The following MTAP variants were observed in gnomAD, a reference collection of about 807,000 sequenced individuals.
The protein encoded by MTAP is S-methyl-5'-thioadenosine phosphorylase.
MTAP carries 33 observed loss-of-function variants against 33.6 expected under a neutral mutation model. That is an observed-to-expected ratio of 0.98 (90% CI 0.74 to 1.31). MTAP has a LOEUF of 1.31. Among genes scored for constraint, MTAP ranks in the 40% most tolerant of loss-of-function variants. The pLI is 0.00. For missense variants in MTAP, 367 were observed against 360.0 expected (o/e 1.02, Z -0.16); for synonymous variants, 148 against 125.7 (o/e 1.18, Z -1.19).
Position 21,864,864 on chromosome 9 carries a change from T to C in MTAP, c.*2850T>C. 3.0e-6 allele frequency: 3 copies of C among 985,476 alleles called. No homozygotes were observed. Among genetic ancestry groups the C allele is most frequent in the Non-Finnish European group, 3.6e-6 (3 of 829,946 alleles). The allele number at this position is 985,476 out of a possible 1,614,324, so 61.0% of individuals were successfully genotyped here. A position where few individuals can be genotyped will look rare whatever the true frequency, so the allele number is the denominator to read the frequency against. On this transcript the variant is annotated 3_prime_UTR_variant, in exon 8 of 8. Transcript: ENST00000644715. ...TGGAGCCTCTTCTCTGGCTGCTACC[T>C]CAGGGCATGGTTGTGGCCCCACCAA...
At position 21,848,250 on chromosome 9, in the gene MTAP, C is replaced by A. The variant is rs117907656; in HGVS notation, c.451-6381C>A. 6.2e-4 allele frequency among the ~76,000 whole-genome samples: 94 copies of A among 152,178 alleles called. 1 individual carries two copies. In the East Asian group the frequency reaches 0.016, roughly 27 times the overall value. Reference sequence around the variant, plus strand: ...TAACTGGACTGAAGTTCCAGCAGGCCCCTAGAGGTGAGGTTGAGATTGTGA... The same window carrying A: ...TAACTGGACTGAAGTTCCAGCAGGCACCTAGAGGTGAGGTTGAGATTGTGA... On this transcript the variant is annotated intron_variant, in intron 5 of 7. Transcript: ENST00000644715.
intron 1 of MTAP, among the ~76,000 whole-genome samples, chr9:21,912,077 C>T (rs1395078298): frequency 6.6e-6 from 1 of 152,100 alleles, no homozygotes; most frequent in Non-Finnish European, 1.5e-5. Flanking sequence ...CAAGACTAAA[C>T]CAGGAAGAAG....
At chr9:21,886,556 G>C (rs1818114514) in intron 1 of MTAP, among the ~76,000 whole-genome samples, 1 of 152,076 alleles carries the variant, frequency 6.6e-6, no homozygotes, top group South Asian at 2.1e-4. Flanking sequence ...TTTTTCTGAT[G>C]TTATCTTCCA....
In MTAP at chr9:21,922,489, C is replaced by T. The variant is rs1818802772; in HGVS notation, c.148-8519C>T. The stretch of plus-strand genomic sequence containing the variant: ...ACTCTTACTTCTGCTCAAAAACTTG[C>T]CTTGGTCTCTCACTCTCGCTTATGC... On this transcript the variant is annotated intron_variant, in intron 1 of 1. Transcript: ENST00000577563. This position sits in a 1 kb window ranked among gnomAD's most constrained non-coding sequence, Gnocchi z 4.8. Among the ~76,000 whole-genome samples the T allele has an allele frequency of 6.6e-6, 1 of 152,108 alleles. No individual in the cohort carries two copies. Among genetic ancestry groups the T allele is most frequent in the African/African-American group, 2.4e-5 (1 of 41,424 alleles).
At chr9:21,913,766 A>T (rs561800593) in intron 1 of MTAP, among the ~76,000 whole-genome samples, 1 of 152,370 alleles carries the variant, frequency 6.6e-6, no homozygotes, top group African/African-American at 2.4e-5. Flanking sequence ...ACAAAAGCCA[A>T]AATTGACAAA....
At chr9:21,881,318 A>C (rs536157061) in intron 1 of MTAP, among the ~76,000 whole-genome samples, 8 of 152,188 alleles carry the variant, frequency 5.3e-5, no homozygotes, top group African/African-American at 1.2e-4. Flanking sequence ...GGAAGAAAAC[A>C]TACAGGGGAA....
At chr9:21,914,015 C>A (rs965887917) in intron 1 of MTAP, among the ~76,000 whole-genome samples, 1 of 152,122 alleles carries the variant, frequency 6.6e-6, no homozygotes, top group Non-Finnish European at 1.5e-5. Context: ...ATGCAGCCAA[C>A]AGACATATGA....
At chr9:21,841,431 T>G (rs1262511550) in intron 5 of MTAP, among the ~76,000 whole-genome samples, 1 of 152,222 alleles carries the variant, frequency 6.6e-6, no homozygotes, top group Non-Finnish European at 1.5e-5. Flanking sequence ...ATCCTGAATA[T>G]GTCCACATGA....
At chr9:21,828,638 G>A (rs1328027232) in intron 4 of MTAP, among the ~76,000 whole-genome samples, 1 of 151,990 alleles carries the variant, frequency 6.6e-6, no homozygotes, top group Non-Finnish European at 1.5e-5. Flanking sequence ...TTGCTCCATT[G>A]CACTCCAGCC....
chr9:21,838,046 T>C, intron 5 of MTAP, 36 bp downstream of exon 5: 9 of 1,572,396 alleles, frequency 5.7e-6, no homozygotes, highest in Non-Finnish European at 7.9e-6. Context: ...CCAGAATAAA[T>C]CATGTGGGCT....
intron 1 of MTAP, among the ~76,000 whole-genome samples, chr9:21,902,751 GGA>G (rs947878753): frequency 6.6e-6 from 1 of 152,048 alleles, no homozygotes; most frequent in Non-Finnish European, 1.5e-5. Flanking sequence ...GGTTATTCTT[GGA>G]TCTACCAGAA....
At chr9:21,830,416 A>C (rs1020561589) in intron 4 of MTAP, among the ~76,000 whole-genome samples, 3 of 152,216 alleles carry the variant, frequency 2.0e-5, no homozygotes, top group Admixed American at 2.0e-4. Context: ...GTGTTTGATT[A>C]ATCCATTTCT....
chr9:21,875,635 C>T (rs553733094), intron 1 of MTAP, among the ~76,000 whole-genome samples: 4 of 152,128 alleles, frequency 2.6e-5, no homozygotes, highest in Non-Finnish European at 4.4e-5. Flanking sequence ...TAAGTGAAAA[C>T]GTGTGGTATT....
downstream of MTAP, among the ~76,000 whole-genome samples, chr9:21,872,014 G>A (rs1393300890): frequency 2.0e-5 from 3 of 152,040 alleles, no homozygotes; most frequent in Non-Finnish European, 4.4e-5. Context: ...TAACCATTAT[G>A]CTAAAAGGTA....
At position 21,863,588 on chromosome 9, in the gene MTAP, A is replaced by T. The variant is rs1196047349; in HGVS notation, c.*1574A>T. 1.1e-6 allele frequency: 1 copy of T among 949,972 alleles called. No homozygotes were observed. Among genetic ancestry groups the T allele is most frequent in the Non-Finnish European group, 1.3e-6 (1 of 798,452 alleles). The allele number at this position is 949,972 out of a possible 1,614,324, so 58.8% of individuals were successfully genotyped here. ...CAGTGAGACGAGCTTGTGCCACTGC[A>T]CTCCAGCCTGGGCAACAGAGTAAGA... is the stretch of plus-strand genomic sequence containing the variant. On this transcript the variant is annotated 3_prime_UTR_variant, in exon 8 of 8. Transcript: ENST00000644715.
chr9:21,876,382 C>T (rs1826008770), intron 1 of MTAP, among the ~76,000 whole-genome samples: 1 of 151,860 alleles, frequency 6.6e-6, no homozygotes, highest in Admixed American at 6.6e-5. Context: ...ATTAGATCAC[C>T]CTTGTCAATT....
chr9:21,895,579 A>T (rs1025139717), intron 1 of MTAP, among the ~76,000 whole-genome samples: 1 of 152,278 alleles, frequency 6.6e-6, no homozygotes, highest in East Asian at 1.9e-4. Flanking sequence ...GTTGTGACAG[A>T]TGGTACCTGG....
At chr9:21,815,319 A>G in intron 1 of MTAP, 114 bp from the exon 2 acceptor site, 2 of 646,690 alleles carry the variant, frequency 3.1e-6, no homozygotes, top group Non-Finnish European at 5.1e-6. Flanking sequence ...CAAAAAAATA[A>G]CTAGGGCTTG....
At chr9:21,808,872 G>C (rs892467556) in intron 1 of MTAP, 1 of 152,172 alleles carries the variant, frequency 6.6e-6, no homozygotes, top group Non-Finnish European at 1.5e-5. Context: ...ATTGGGACAC[G>C]GACACATACA....
Sources: gnomAD v4.1 joint callset for allele counts (sites outside exome capture counted in the v4.1 genomes callset) on GRCh38, gnomAD v4.1.1 for gene constraint, Gnocchi (gnomAD v3.1) non-coding constraint, MANE v1.5 for transcripts, NCBI Gene and HGNC (gene_info 2026-07-23, HGNC 2026-07-21) for gene names.